GABRA2: variants seen among roughly 807,000 people sequenced by gnomAD.
GABRA2 encodes gamma-aminobutyric acid type A receptor subunit alpha2, also known as gamma-aminobutyric acid receptor subunit alpha-2.
In GABRA2, 16 loss-of-function variants were observed where a neutral mutation model predicts 48.7. The ratio of observed to expected loss-of-function variants is 0.33; its 90% confidence interval spans 0.22 to 0.50. GABRA2 has a LOEUF of 0.50. Among genes scored for constraint, GABRA2 ranks in the 20% least tolerant of loss-of-function variants. GABRA2 has a pLI of 0.98. For synonymous variants in GABRA2, 185 were observed against 184.5 expected (o/e 1.00, Z -0.02); for missense variants, 275 against 535.6 (o/e 0.51, Z 4.80).
chr4:46,250,210 G>C lies in GABRA2; in HGVS notation c.*98C>G, dbSNP rs1714459326. On this transcript the variant is annotated 3_prime_UTR_variant, in exon 10 of 10. Transcript: ENST00000381620. The stretch of plus-strand genomic sequence containing the variant: ...ATGTCACTATATACATACTGTACAT[G>C]TTGGATCACAAATTAGCAGTTATTA... The C allele has an allele frequency of 1.0e-6, 1 of 996,486 alleles. No homozygotes were observed. Among genetic ancestry groups the C allele is most frequent in the Non-Finnish European group, 1.5e-6 (1 of 659,502 alleles). 61.7% of individuals were successfully genotyped at this position (996,486 alleles called of 1,614,324 possible).
intron 3 of GABRA2, chr4:46,366,087 T>C (rs1490908047): frequency 1.3e-5 from 2 of 152,130 alleles, no homozygotes; most frequent in East Asian, 3.9e-4. Context: ...CTACATGGTC[T>C]TCTTATCTCC....
chr4:46,389,990 CGGA>C lies in GABRA2; in HGVS notation c.-269_-267del. The stretch of plus-strand genomic sequence containing the variant: ...AGGCGTTCGTAGTGGCGGTGATGGG[CGGA>C]GGAGGAGGAAGAGGAGGAGGAGGAA... On this transcript the variant is annotated 5_prime_UTR_variant, in exon 1 of 10. Transcript: ENST00000381620. The C allele has an allele frequency of 4.1e-6, 4 of 967,528 alleles. No individual in the cohort carries two copies. The highest frequency in any genetic ancestry group is 3.6e-6 in the Non-Finnish European group (3 of 826,712). The allele number at this position is 967,528 out of a possible 1,614,324, so 59.9% of individuals were successfully genotyped here.
Position 46,387,086 on chromosome 4 carries a change from T to C in GABRA2, c.72-897A>G, listed in dbSNP as rs1276913953. ...GCAACTAAATGTATAAAACAGAATG[T>C]CCCTTTTCATTGTCTTTTTTTTTCT... On this transcript the variant is annotated intron_variant, in intron 2 of 9. Transcript: ENST00000381620. Among the ~76,000 whole-genome samples the C allele has an allele frequency of 3.3e-5, 5 of 152,176 alleles. No individual in the cohort carries two copies. The East Asian group carries it at 9.6e-4, about 29-fold the overall frequency.
chr4:46,390,059 G>A lies in GABRA2; in HGVS notation c.-335C>T. 3.6e-6 allele frequency: 1 copy of A among 276,120 alleles called. No individual in the cohort carries two copies. Among genetic ancestry groups the A allele is most frequent in the Non-Finnish European group, 5.4e-6 (1 of 185,776 alleles). 17.1% of individuals were successfully genotyped at this position (276,120 alleles called of 1,614,324 possible). On this transcript the variant is annotated 5_prime_UTR_variant, in exon 1 of 10. Coordinates refer to ENST00000381620, the MANE Select transcript of GABRA2 (RefSeq NM_000807.4). ...AACGATGACAGGAGCTGGGGCCGGG[G>A]GGGGAAATTGGGGGGACGCGGGCGG... is the stretch of plus-strand genomic sequence containing the variant.
At chr4:46,257,753 T>C (rs1025808771) in intron 9 of GABRA2, among the ~76,000 whole-genome samples, 4 of 151,528 alleles carry the variant, frequency 2.6e-5, no homozygotes, top group Non-Finnish European at 4.4e-5. Context: ...GAAGAAGACA[T>C]GATTAAAAAT....
intron 8 of GABRA2, among the ~76,000 whole-genome samples, chr4:46,273,490 TA>T (rs1719820754): frequency 2.1e-5 from 1 of 47,520 alleles, no homozygotes; most frequent in Admixed American, 2.3e-4. Flanking sequence ...TATGCATATA[TA>T]TATATATATG....
chr4:46,370,519 T>A (rs1714724628), intron 3 of GABRA2, among the ~76,000 whole-genome samples: 1 of 152,148 alleles, frequency 6.6e-6, no homozygotes, highest in Admixed American at 6.6e-5. Context: ...GCCATTCACA[T>A]GCCATGTATA....
chr4:46,283,829 G>A (rs781690787), intron 8 of GABRA2, among the ~76,000 whole-genome samples: 10 of 152,098 alleles, frequency 6.6e-5, no homozygotes, highest in African/African-American at 1.4e-4. Context: ...GCATGATCTC[G>A]GCTCACTGCC....
At chr4:46,359,775 G>A (rs992712403) in intron 3 of GABRA2, among the ~76,000 whole-genome samples, 3 of 152,052 alleles carry the variant, frequency 2.0e-5, no homozygotes, top group African/African-American at 7.2e-5. Flanking sequence ...AACTTAGCCG[G>A]GCATGGAGGT....
At chr4:46,359,102 TAGTA>T in intron 3 of GABRA2, among the ~76,000 whole-genome samples, 1 of 152,296 alleles carries the variant, frequency 6.6e-6, no homozygotes, top group East Asian at 1.9e-4. Context: ...GTCATAAAGA[TAGTA>T]AGCAGCAGAA....
intron 8 of GABRA2, among the ~76,000 whole-genome samples, chr4:46,287,785 T>TA (rs757116936): frequency 1.2e-4 from 18 of 150,412 alleles, no homozygotes; most frequent in East Asian, 3.9e-4. Flanking sequence ...ATAATAATAA[T>TA]AAAAAAAAAG....
At chr4:46,320,299 T>A (rs1012913117) in intron 4 of GABRA2, among the ~76,000 whole-genome samples, 1 of 151,808 alleles carries the variant, frequency 6.6e-6, no homozygotes, top group Admixed American at 6.6e-5. Context: ...CAAGGCAGAC[T>A]AAAGACCTAA....
At chr4:46,318,997 G>A (rs1265375181) in intron 4 of GABRA2, among the ~76,000 whole-genome samples, 1 of 151,674 alleles carries the variant, frequency 6.6e-6, no homozygotes, top group African/African-American at 2.4e-5. Flanking sequence ...AAGTTTGTTA[G>A]TGACAGAACC....
chr4:46,310,750 G>C (rs1313239125), intron 5 of GABRA2, among the ~76,000 whole-genome samples: 1 of 152,138 alleles, frequency 6.6e-6, no homozygotes, highest in Non-Finnish European at 1.5e-5. Context: ...TATACATATA[G>C]TGCTAGATAT....
intron 4 of GABRA2, among the ~76,000 whole-genome samples, chr4:46,316,366 T>G (rs1212164914): frequency 6.6e-6 from 1 of 152,036 alleles, no homozygotes; most frequent in Non-Finnish European, 1.5e-5. Flanking sequence ...ACTCTGCCAC[T>G]GCAATGTGAA....
chr4:46,268,112 A>G (rs494984), intron 8 of GABRA2, among the ~76,000 whole-genome samples: 95,110 of 151,730 alleles, frequency 0.63, 30,491 homozygotes, highest in South Asian at 0.76. Context: ...ATAAAAGATA[A>G]AGAAAAAGGT....
intron 3 of GABRA2, among the ~76,000 whole-genome samples, chr4:46,371,892 T>C (rs1714954100): frequency 6.6e-6 from 1 of 152,166 alleles, no homozygotes. Flanking sequence ...CATTATATTC[T>C]TTATGAATTT....
chr4:46,314,611 GT>G (rs1187387439), intron 4 of GABRA2, among the ~76,000 whole-genome samples: 1 of 152,018 alleles, frequency 6.6e-6, no homozygotes, highest in Non-Finnish European at 1.5e-5. Context: ...TTACCCAATA[GT>G]TAGTTTTCCA....
In GABRA2 at chr4:46,336,916, C is replaced by T. The variant is rs566000593; in HGVS notation, c.188-4234G>A. Reference sequence around the variant, plus strand: ...GGCCTGAAAAGATATCCAAAATGCACGTATAAATAATTTCAAGAAGTATTT... The same window carrying T: ...GGCCTGAAAAGATATCCAAAATGCATGTATAAATAATTTCAAGAAGTATTT... On this transcript the variant is annotated intron_variant, in intron 3 of 9. Coordinates refer to ENST00000381620, the MANE Select transcript of GABRA2 (RefSeq NM_000807.4). Among the ~76,000 whole-genome samples, 6 of 151,912 alleles carry T rather than the reference C, an allele frequency of 3.9e-5. No individual in the cohort carries two copies. In the East Asian group the frequency reaches 7.7e-4, roughly 20 times the overall value.
Sources: allele counts gnomAD v4.1 joint callset (sites outside exome capture counted in the v4.1 genomes callset), GRCh38; gene constraint gnomAD v4.1.1; transcripts MANE v1.5; gene names NCBI Gene and HGNC (gene_info 2026-07-23, HGNC 2026-07-21).